Variants in PBRM1 observed in about 807,000 individuals in gnomAD.
The protein encoded by PBRM1 is protein polybromo-1.
A neutral mutation model predicts 194.5 loss-of-function variants in PBRM1; 27 were observed. The observed-to-expected ratio is 0.14, with a 90% CI of 0.10 to 0.19. PBRM1 has a LOEUF of 0.19. PBRM1 is among the 10% of genes least tolerant of loss of function. The pLI, the probability that PBRM1 is intolerant of heterozygous loss-of-function variation, is 1.00. For synonymous variants in PBRM1, 655 were observed against 693.2 expected (o/e 0.94, Z 0.87); for missense variants, 1,466 against 2,077.2 (o/e 0.71, Z 5.72).
intron 20 of PBRM1, chr3:52,586,097 A>T: frequency 5.6e-6 from 1 of 179,676 alleles, no homozygotes; most frequent in Admixed American, 5.7e-5. Context: ...CACCACACCC[A>T]GCTAATTTTT....
chr3:52,619,847 C>T (rs1481723455), intron 13 of PBRM1, among the ~76,000 whole-genome samples: 1 of 152,128 alleles, frequency 6.6e-6, no homozygotes, highest in Non-Finnish European at 1.5e-5. Flanking sequence ...GCCTATAACT[C>T]AAGGCAAACA....
intron 20 of PBRM1, among the ~76,000 whole-genome samples, chr3:52,583,147 C>T (rs1006927565): frequency 6.9e-6 from 1 of 145,200 alleles, no homozygotes; most frequent in African/African-American, 2.6e-5. Context: ...CGGTGGCTCA[C>T]ACCTGTAATA....
chr3:52,651,674 G>T, intron 6 of PBRM1, 68 bp downstream of exon 7: 2 of 810,624 alleles, frequency 2.5e-6, no homozygotes, highest in Non-Finnish European at 3.9e-6. Flanking sequence ...TTTTCTAAAA[G>T]CTTCTAGGAA....
At chr3:52,547,989 C>G (rs1344016588), downstream of PBRM1, 9 of 1,291,388 alleles carry the variant, frequency 7.0e-6, no homozygotes, top group South Asian at 6.5e-5. Flanking sequence ...TCCTTCCCCC[C>G]ACCCCCAGTA....
At chr3:52,658,390 T>A in intron 4 of PBRM1, 75 bp from the exon 6 acceptor site, 1 of 769,160 alleles carries the variant, frequency 1.3e-6, no homozygotes, top group Admixed American at 2.5e-5. Context: ...TCTAAAATTG[T>A]AGAGCTAATT....
At chr3:52,681,927 A>C (rs1213250822), upstream of PBRM1, 1 of 165,260 alleles carries the variant, frequency 6.1e-6, no homozygotes, top group Non-Finnish European at 1.3e-5. Context: ...ACTGCTAAAG[A>C]AAGATAAAGA....
At chr3:52,602,927 T>TA (rs1234315662) in intron 17 of PBRM1, among the ~76,000 whole-genome samples, 1 of 152,214 alleles carries the variant, frequency 6.6e-6, no homozygotes, top group Non-Finnish European at 1.5e-5. Context: ...TAACATAACT[T>TA]AGAGTCACAC....
chr3:52,564,380 C>G (rs896948005), intron 22 of PBRM1, 147 bp from the exon 25 acceptor site: 3 of 652,940 alleles, frequency 4.6e-6, no homozygotes, highest in African/African-American at 3.7e-5. Flanking sequence ...GTGGCTCAAG[C>G]CTGTAATCTC....
At chr3:52,607,965 C>T (rs1321628248) in intron 16 of PBRM1, among the ~76,000 whole-genome samples, 1 of 152,230 alleles carries the variant, frequency 6.6e-6, no homozygotes, top group Non-Finnish European at 1.5e-5. Context: ...TTGCTCATAA[C>T]ATTCATCTTA....
intron 10 of PBRM1, among the ~76,000 whole-genome samples, chr3:52,635,124 G>C (rs545136416): frequency 6.6e-6 from 1 of 151,936 alleles, no homozygotes; most frequent in African/African-American, 2.4e-5. Flanking sequence ...ATGGGGTTTC[G>C]TCATGTTGCC....
intron 2 of PBRM1, among the ~76,000 whole-genome samples, chr3:52,672,480 T>G (rs529263643): frequency 6.7e-4 from 99 of 148,302 alleles, no homozygotes; most frequent in African/African-American, 2.1e-3. Flanking sequence ...TTTCCAGAGG[T>G]TTTTTTTTGG....
intron 5 of PBRM1, among the ~76,000 whole-genome samples, chr3:52,657,796 T>C (rs902794376): frequency 7.0e-6 from 1 of 143,860 alleles, no homozygotes; most frequent in African/African-American, 2.6e-5. Flanking sequence ...TTTTTTTTTT[T>C]TTAAATTTGA....
At chr3:52,637,664 A>G (rs373143327) in intron 10 of PBRM1, among the ~76,000 whole-genome samples, 2 of 150,630 alleles carry the variant, frequency 1.3e-5, no homozygotes, top group African/African-American at 4.9e-5. Flanking sequence ...GCAGTAGCTC[A>G]TGCTTGTAAT....
intron 13 of PBRM1, among the ~76,000 whole-genome samples, chr3:52,618,838 G>A (rs1264886985): frequency 1.3e-5 from 2 of 151,878 alleles, no homozygotes; most frequent in East Asian, 1.9e-4. Flanking sequence ...CGCAACCTTC[G>A]CCTCCTGGGT....
chr3:52,642,167 C>T (rs546592152), intron 9 of PBRM1, 122 bp from the exon 11 acceptor site: 5 of 665,846 alleles, frequency 7.5e-6, no homozygotes, highest in Admixed American at 5.0e-5. Context: ...TATTCAATTG[C>T]CTCCTTAGTT....
At chr3:52,678,461 CA>C in intron 2 of PBRM1, 38 bp downstream of exon 3, 1 of 1,356,766 alleles carries the variant, frequency 7.4e-7, no homozygotes, top group Non-Finnish European at 1.1e-6. Flanking sequence ...GACTCTGGAC[CA>C]AATCCCCCGC....
intron 4 of PBRM1, among the ~76,000 whole-genome samples, chr3:52,658,851 G>A (rs764244347): frequency 6.6e-5 from 10 of 152,122 alleles, no homozygotes; most frequent in Non-Finnish European, 1.5e-4. Flanking sequence ...CTTGTACTAG[G>A]TCCTTCTACT....
chr3:52,550,254 T>C (rs997064888), intron 29 of PBRM1, among the ~76,000 whole-genome samples, 167 bp downstream of exon 31: 34 of 152,290 alleles, frequency 2.2e-4, no homozygotes, highest in Non-Finnish European at 4.1e-4. Context: ...ATTTTCAGTG[T>C]GTTACGTAAA....
chr3:52,633,632 GCA>G (rs2095696086), intron 11 of PBRM1, among the ~76,000 whole-genome samples: 1 of 152,096 alleles, frequency 6.6e-6, no homozygotes, highest in Non-Finnish European at 1.5e-5. Context: ...CCCACTATCT[GCA>G]CAGAGGTTCC....
Sources: allele counts gnomAD v4.1 joint callset (sites outside exome capture counted in the v4.1 genomes callset), GRCh38; gene constraint gnomAD v4.1.1; transcripts MANE v1.5; gene names NCBI Gene and HGNC (gene_info 2026-07-23, HGNC 2026-07-21).